DYNC1I1: variants seen among roughly 807,000 people sequenced by gnomAD.
DYNC1I1 encodes the protein cytoplasmic dynein 1 intermediate chain 1.
DYNC1I1 carries 43 observed loss-of-function variants against 86.6 expected under a neutral mutation model. That is an observed-to-expected ratio of 0.50 (90% CI 0.39 to 0.64). The LOEUF is 0.64. Ranked by LOEUF, DYNC1I1 falls within the 30% of genes least tolerant of loss-of-function variation. The pLI is 0.00. For missense variants in DYNC1I1, 604 were observed against 788.8 expected (o/e 0.77, Z 2.81); for synonymous variants, 262 against 283.7 (o/e 0.92, Z 0.77).
downstream of DYNC1I1, chr7:96,110,168 A>C (rs1791291684): frequency 5.4e-6 from 2 of 372,234 alleles, no homozygotes; most frequent in Admixed American, 6.8e-5. Context: ...TAGTTCTTTC[A>C]GTTCTATCAG....
chr7:95,936,020 ATTTC>A (rs962088727), intron 6 of DYNC1I1, among the ~76,000 whole-genome samples: 14 of 151,992 alleles, frequency 9.2e-5, no homozygotes, highest in African/African-American at 3.4e-4. Context: ...AACACAGATA[ATTTC>A]TTTCTTTCCA....
chr7:96,074,174 T>G (rs1385713983), intron 14 of DYNC1I1, among the ~76,000 whole-genome samples: 1 of 152,212 alleles, frequency 6.6e-6, no homozygotes, highest in Non-Finnish European at 1.5e-5. Flanking sequence ...TGTCAGATAT[T>G]TTTTGAATTA....
In DYNC1I1 at chr7:96,076,215, C is replaced by G; in HGVS notation, c.1650+18C>G. 6.2e-7 allele frequency: 1 copy of G among 1,612,894 alleles called. No homozygotes were observed. The highest frequency in any genetic ancestry group is 8.5e-7 in the Non-Finnish European group (1 of 1,179,320). The stretch of plus-strand genomic sequence containing the variant: ...ACACCGAGGTGAGCGGCGGCTCAGG[C>G]GCCCGGGCCGGAGGGCTGGGAGGGG... On this transcript the variant is annotated intron_variant, in intron 15 of 16. Coordinates refer to ENST00000447467, the MANE Select transcript of DYNC1I1 (RefSeq NM_001135556.2).
intron 14 of DYNC1I1, among the ~76,000 whole-genome samples, chr7:96,072,292 G>C (rs1256502970): frequency 6.6e-6 from 1 of 152,150 alleles, no homozygotes; most frequent in Admixed American, 6.5e-5. Flanking sequence ...GAAGCACAAG[G>C]TGTCACAATT....
chr7:95,842,525 A>C (rs1789314795), intron 5 of DYNC1I1, among the ~76,000 whole-genome samples: 1 of 152,100 alleles, frequency 6.6e-6, no homozygotes, highest in African/African-American at 2.4e-5. Context: ...AGTTAATTGC[A>C]TTCTTGGATG....
intron 10 of DYNC1I1, among the ~76,000 whole-genome samples, chr7:96,024,990 A>G (rs1360353199): frequency 6.6e-6 from 1 of 152,202 alleles, no homozygotes. Context: ...CCAAATTAAA[A>G]GAGGAGCCCT....
intron 10 of DYNC1I1, among the ~76,000 whole-genome samples, chr7:96,004,243 A>C (rs934514360): frequency 2.0e-5 from 3 of 152,162 alleles, no homozygotes; most frequent in Non-Finnish European, 2.9e-5. Context: ...TTATTTGCCA[A>C]AGACTTGAGC....
Position 96,097,924 on chromosome 7 carries a change from T to TG in DYNC1I1, c.*333dup. On this transcript the variant is annotated 3_prime_UTR_variant, in exon 17 of 17. Coordinates refer to ENST00000447467, the MANE Select transcript of DYNC1I1 (RefSeq NM_001135556.2). ...TTAAATTTGTGCTTACATGCACTCCTGGCATAGTCCTATTAAATCCATATG... is the reference window on the plus strand; with the variant it reads ...TTAAATTTGTGCTTACATGCACTCCTGGGCATAGTCCTATTAAATCCATATG... The TG allele has an allele frequency of 2.7e-5, 28 of 1,052,578 alleles. No individual in the cohort carries two copies. Among genetic ancestry groups the TG allele is most frequent in the Non-Finnish European group, 3.1e-5 (27 of 869,532 alleles). The allele number at this position is 1,052,578 out of a possible 1,614,324, so 65.2% of individuals were successfully genotyped here.
chr7:96,031,240 C>T (rs1018724229), intron 11 of DYNC1I1, among the ~76,000 whole-genome samples: 5 of 152,034 alleles, frequency 3.3e-5, no homozygotes, highest in Admixed American at 2.6e-4. Flanking sequence ...CAAAATACAG[C>T]ATTTTCAAAA....
At chr7:95,854,880 C>A (rs1050752247) in intron 5 of DYNC1I1, among the ~76,000 whole-genome samples, 1 of 152,120 alleles carries the variant, frequency 6.6e-6, no homozygotes, top group Non-Finnish European at 1.5e-5. Context: ...TATAGCTCAG[C>A]ATGCCACAAT....
intron 14 of DYNC1I1, among the ~76,000 whole-genome samples, chr7:96,053,247 A>G (rs1789460272): frequency 6.6e-6 from 1 of 152,222 alleles, no homozygotes; most frequent in Non-Finnish European, 1.5e-5. Flanking sequence ...CATTTAACTG[A>G]ATAATCACAT....
intron 5 of DYNC1I1, among the ~76,000 whole-genome samples, chr7:95,840,149 C>T (rs1401774550): frequency 6.6e-6 from 1 of 152,090 alleles, no homozygotes; most frequent in Non-Finnish European, 1.5e-5. Flanking sequence ...AATTTTTCAG[C>T]CATTATTTCT....
At chr7:95,900,633 T>C (rs13232349) in intron 6 of DYNC1I1, among the ~76,000 whole-genome samples, 87,609 of 151,908 alleles carry the variant, frequency 0.58, 26,154 homozygotes, top group Non-Finnish European at 0.67. Context: ...TTGAATAATA[T>C]CAGTTAGGGA....
At chr7:95,998,997 T>TG (rs1218609463) in intron 10 of DYNC1I1, among the ~76,000 whole-genome samples, 8 of 152,260 alleles carry the variant, frequency 5.3e-5, no homozygotes, top group Non-Finnish European at 4.4e-5. Context: ...TTTTTGTGTC[T>TG]TTACTAAACT....
chr7:95,973,355 T>C (rs1015503941), intron 6 of DYNC1I1, among the ~76,000 whole-genome samples: 3 of 152,204 alleles, frequency 2.0e-5, no homozygotes, highest in Non-Finnish European at 4.4e-5. Flanking sequence ...ACACTTACTT[T>C]ATGTCTTTAA....
intron 14 of DYNC1I1, among the ~76,000 whole-genome samples, chr7:96,049,645 A>AT (rs1789337296): frequency 6.6e-6 from 1 of 152,184 alleles, no homozygotes; most frequent in Non-Finnish European, 1.5e-5. Flanking sequence ...AATCCTCCAA[A>AT]TCGTAGAAAG....
At chr7:95,800,345 G>A (rs999225396) in intron 1 of DYNC1I1, among the ~76,000 whole-genome samples, 7 of 152,048 alleles carry the variant, frequency 4.6e-5, no homozygotes, top group Non-Finnish European at 1.0e-4. Context: ...GACAAGGGGT[G>A]AAATGGGGAT....
chr7:96,040,352 G>A (rs1042359920), intron 14 of DYNC1I1, among the ~76,000 whole-genome samples: 1 of 152,208 alleles, frequency 6.6e-6, no homozygotes, highest in Admixed American at 6.5e-5. Context: ...ATCTAGGAAA[G>A]AAATGACAGT....
intron 1 of DYNC1I1, among the ~76,000 whole-genome samples, chr7:95,791,536 C>T (rs540928053): frequency 3.9e-5 from 6 of 152,150 alleles, no homozygotes; most frequent in South Asian, 2.1e-4. Context: ...CAGCTCCAAG[C>T]GCAATAGATG....
Sources: allele counts gnomAD v4.1 joint callset (sites outside exome capture counted in the v4.1 genomes callset), GRCh38; gene constraint gnomAD v4.1.1; transcripts MANE v1.5; gene names NCBI Gene and HGNC (gene_info 2026-07-23, HGNC 2026-07-21).